The following DAB1 variants were observed in gnomAD, a reference collection of about 807,000 sequenced individuals.
DAB1 encodes disabled homolog 1.
A neutral mutation model predicts 64.6 loss-of-function variants in DAB1; 15 were observed. The ratio of observed to expected loss-of-function variants is 0.23; its 90% CI spans 0.16 to 0.36. The LOEUF (loss-of-function observed/expected upper bound fraction) is 0.36, where lower values mean the gene tolerates loss of function less well. Among genes scored for constraint, DAB1 ranks in the 10% least tolerant of loss-of-function variants. DAB1 has a pLI of 1.00. For missense variants in DAB1, 596 were observed against 706.7 expected (o/e 0.84, Z 1.78); for synonymous variants, 235 against 251.9 (o/e 0.93, Z 0.64).
intron 3 of DAB1, among the ~76,000 whole-genome samples, chr1:58,457,353 G>A (rs963779071): frequency 6.6e-5 from 10 of 152,058 alleles, no homozygotes; most frequent in African/African-American, 2.2e-4. Flanking sequence ...AGACAGGCAC[G>A]GTATTTCGGG....
intron 2 of DAB1, among the ~76,000 whole-genome samples, chr1:57,246,378 C>A (rs1166913342): frequency 6.6e-6 from 1 of 152,226 alleles, no homozygotes; most frequent in Non-Finnish European, 1.5e-5. Context: ...TCAGAGGGTG[C>A]AAGCCCCAAG....
chr1:58,330,222 A>C (rs1662938391), intron 4 of DAB1, among the ~76,000 whole-genome samples: 1 of 152,252 alleles, frequency 6.6e-6, no homozygotes. Context: ...TAAAGGATCA[A>C]ACAAGCCACA....
At chr1:57,072,553 A>C (rs1162536517) in intron 4 of DAB1, 139 bp from the exon 5 acceptor site, 3 of 788,328 alleles carry the variant, frequency 3.8e-6, no homozygotes, top group Non-Finnish European at 5.9e-6. Flanking sequence ...TGGAAAGAAA[A>C]AGAGCTATGC....
chr1:57,609,792 C>A (rs1645703949), intron 7 of DAB1, among the ~76,000 whole-genome samples: 1 of 152,164 alleles, frequency 6.6e-6, no homozygotes, highest in Non-Finnish European at 1.5e-5. Flanking sequence ...GAAACACAGA[C>A]CCCACCATTT....
chr1:57,169,988 C>A (rs1661575412), intron 2 of DAB1, among the ~76,000 whole-genome samples: 1 of 143,420 alleles, frequency 7.0e-6, no homozygotes. Flanking sequence ...TTTTCTTTTT[C>A]TTTCTTTCTT....
At chr1:57,384,463 C>CTG (rs1681638563) in intron 1 of DAB1, among the ~76,000 whole-genome samples, 1 of 152,156 alleles carries the variant, frequency 6.6e-6, no homozygotes, top group African/African-American at 2.4e-5. Context: ...CATTTGTCTA[C>CTG]CCATATTCAT....
chr1:58,019,798 T>C (rs1336043906), intron 5 of DAB1, among the ~76,000 whole-genome samples: 5 of 152,168 alleles, frequency 3.3e-5, no homozygotes, highest in Non-Finnish European at 7.4e-5. Flanking sequence ...AGGAATGCTT[T>C]AAGAGGGATC....
rs143673741 is a variant in DAB1, at chr1:57,401,104, T to C, written c.-137+22826A>G. The stretch of plus-strand genomic sequence containing the variant: ...AAGGTGCTAAATAATCAGATAAGTA[T>C]AAAAGCATTCAATTATGTGCATGAA... On this transcript the variant is annotated intron_variant, in intron 1 of 14. Coordinates refer to ENST00000371236, the MANE Select transcript of DAB1 (RefSeq NM_001365792.1). 4.6e-3 allele frequency among the ~76,000 whole-genome samples: 694 copies of C among 152,140 alleles called. 5 individuals carry two copies. The highest frequency in any genetic ancestry group is 0.016 in the African/African-American group (644 of 41,514).
intron 3 of DAB1, among the ~76,000 whole-genome samples, chr1:58,391,498 A>G (rs749900379): frequency 2.4e-4 from 37 of 152,222 alleles, no homozygotes; most frequent in Non-Finnish European, 4.6e-4. Context: ...AGAAGGGGTA[A>G]AGCCAGGACT....
intron 7 of DAB1, among the ~76,000 whole-genome samples, chr1:57,450,894 C>A (rs1686324927): frequency 6.6e-6 from 1 of 152,156 alleles, no homozygotes; most frequent in Non-Finnish European, 1.5e-5. Flanking sequence ...TAAATGTGTT[C>A]CAGTAGGATT....
intron 4 of DAB1, among the ~76,000 whole-genome samples, chr1:58,165,559 C>G (rs574157541): frequency 9.2e-5 from 14 of 152,308 alleles, no homozygotes; most frequent in East Asian, 7.7e-4. Context: ...ACAGAGCATG[C>G]ATGTTACCAT....
chr1:57,140,203 C>T (rs1658471078), intron 3 of DAB1, among the ~76,000 whole-genome samples: 1 of 152,162 alleles, frequency 6.6e-6, no homozygotes, highest in Non-Finnish European at 1.5e-5. Context: ...GCCACCTGAC[C>T]TAGTAAGTCA....
At chr1:58,198,186 C>T (rs1180775653) in intron 4 of DAB1, among the ~76,000 whole-genome samples, 1 of 152,204 alleles carries the variant, frequency 6.6e-6, no homozygotes, top group Non-Finnish European at 1.5e-5. Context: ...AGCATCATAG[C>T]AGCATATCCC....
intron 3 of DAB1, among the ~76,000 whole-genome samples, chr1:58,393,087 C>G (rs338932): frequency 0.73 from 109,951 of 150,170 alleles, 41,477 homozygotes; most frequent in African/African-American, 0.93. Context: ...GACTCCAAAT[C>G]ATAGCTACAT....
intron 7 of DAB1, among the ~76,000 whole-genome samples, chr1:57,479,393 T>TAA (rs1166836944): frequency 6.6e-6 from 1 of 150,736 alleles, no homozygotes; most frequent in Non-Finnish European, 1.5e-5. Context: ...GGTTACTAAA[T>TAA]AAAAGAACTG....
chr1:57,016,270 T>G (rs1197462954), intron 11 of DAB1, among the ~76,000 whole-genome samples: 1 of 152,076 alleles, frequency 6.6e-6, no homozygotes, highest in African/African-American at 2.4e-5. Context: ...ATTATTCTTA[T>G]TCCAATTTTA....
intron 4 of DAB1, among the ~76,000 whole-genome samples, chr1:58,279,728 G>A (rs1331309626): frequency 6.6e-6 from 1 of 152,126 alleles, no homozygotes; most frequent in African/African-American, 2.4e-5. Flanking sequence ...AGGATGGTTT[G>A]GTTGTAAATA....
intron 1 of DAB1, among the ~76,000 whole-genome samples, chr1:57,868,979 G>T (rs1247831406): frequency 6.6e-6 from 1 of 151,964 alleles, no homozygotes; most frequent in Non-Finnish European, 1.5e-5. Flanking sequence ...CTTAACCAAA[G>T]CTATCCCTGA....
intron 4 of DAB1, among the ~76,000 whole-genome samples, chr1:58,226,648 T>C (rs1233217365): frequency 6.6e-6 from 1 of 152,234 alleles, no homozygotes; most frequent in Non-Finnish European, 1.5e-5. Context: ...CTGACATTTA[T>C]TGAATGTTTG....
Sources: gnomAD v4.1 joint callset for allele counts (sites outside exome capture counted in the v4.1 genomes callset) on GRCh38, gnomAD v4.1.1 for gene constraint, MANE v1.5 for transcripts, NCBI Gene and HGNC (gene_info 2026-07-23, HGNC 2026-07-21) for gene names.